CDH26: variants seen among roughly 807,000 people sequenced by gnomAD.
CDH26 encodes the protein cadherin 26, also known as cadherin-like protein 26.
Under a neutral mutation model 90.3 loss-of-function variants are expected in CDH26, and 83 were observed. The ratio of observed to expected loss-of-function variants is 0.92; its 90% CI spans 0.77 to 1.10. The LOEUF is 1.10. CDH26 is among the 50% of genes least tolerant of loss of function. The probability of loss-of-function intolerance (pLI) is 0.00; values close to 1 mark genes in which losing one functional copy is unlikely to be tolerated. For missense variants in CDH26, 1,013 were observed against 1,037.6 expected (o/e 0.98, Z 0.33); for synonymous variants, 397 against 396.3 (o/e 1.00, Z -0.02).
chr20:60,010,226 G>A (rs1042432788), intron 17 of CDH26, among the ~76,000 whole-genome samples: 1 of 152,046 alleles, frequency 6.6e-6, no homozygotes, highest in Non-Finnish European at 1.5e-5. Flanking sequence ...GAAGCCCAGG[G>A]GTCCCATCAG....
chr20:59,995,899 T>G lies in CDH26; in HGVS notation c.1733T>G (p.Ile578Ser). The change falls in exon 12 of 18, where the codon ATT (isoleucine) becomes AGT (serine). Residue 578 changes from isoleucine to serine, a missense_variant. Coordinates refer to ENST00000348616, the MANE Select transcript of CDH26 (RefSeq NM_177980.4). The stretch of plus-strand genomic sequence containing the variant: ...GGTAATTACTTGGTGCCACTCTTCA[T>G]TGGAGACAAACAGGGACTTTCCCAG... Reference protein sequence around the residue: ...PRGNYLVPLFIGDKQGLSQKQ... With the variant: ...PRGNYLVPLFSGDKQGLSQKQ... 1 of 1,614,264 alleles carries G rather than the reference T, an allele frequency of 6.2e-7. No homozygotes were observed. Among genetic ancestry groups the G allele is most frequent in the Non-Finnish European group, 8.5e-7 (1 of 1,180,036 alleles).
chr20:60,032,823 G>C (rs1263007523), intron 8 of CDH26, among the ~76,000 whole-genome samples: 1 of 130,248 alleles, frequency 7.7e-6, no homozygotes, highest in Non-Finnish European at 1.6e-5. Context: ...ACAGGAAGGG[G>C]AATATCACAC....
chr20:60,018,881 G>A (rs976197837), downstream of CDH26, among the ~76,000 whole-genome samples: 2 of 151,554 alleles, frequency 1.3e-5, no homozygotes, highest in Admixed American at 1.3e-4. Context: ...ACTCCCCTGA[G>A]CATTTCTTGT....
At chr20:59,964,664 AAC>A (rs1389079161) in intron 1 of CDH26, among the ~76,000 whole-genome samples, 1 of 152,240 alleles carries the variant, frequency 6.6e-6, no homozygotes, top group Non-Finnish European at 1.5e-5. Context: ...GGAGAAATGA[AAC>A]ACACACAACA....
intron 17 of CDH26, among the ~76,000 whole-genome samples, chr20:60,009,573 G>A (rs2061802672): frequency 6.6e-6 from 1 of 152,200 alleles, no homozygotes; most frequent in Admixed American, 6.5e-5. Context: ...GCGGGGCAGG[G>A]AGGCAGCTTT....
chr20:59,959,788 T>C (rs171842), intron 1 of CDH26, among the ~76,000 whole-genome samples: 21,167 of 152,206 alleles, frequency 0.14, 3,054 homozygotes, highest in African/African-American at 0.37. Flanking sequence ...AGCAAACCCA[T>C]GGGGATGGAA....
chr20:59,991,395 T>TG (rs2061526261), intron 9 of CDH26, among the ~76,000 whole-genome samples: 2 of 152,134 alleles, frequency 1.3e-5, no homozygotes, highest in Non-Finnish European at 2.9e-5. Flanking sequence ...TGATCTGGGT[T>TG]GGGGGCAGCT....
At chr20:59,983,431 G>C (rs2061418058) in intron 5 of CDH26, among the ~76,000 whole-genome samples, 1 of 152,146 alleles carries the variant, frequency 6.6e-6, no homozygotes, top group Admixed American at 6.5e-5. Context: ...CCGAGTTACA[G>C]ATACTGTGCA....
At chr20:59,995,469 G>C (rs939483208) in intron 11 of CDH26, among the ~76,000 whole-genome samples, 2 of 152,182 alleles carry the variant, frequency 1.3e-5, no homozygotes, top group African/African-American at 4.8e-5. Flanking sequence ...CTGGCTTCTC[G>C]GGAGTGGATG....
chr20:60,003,446 T>G (rs1335435075), intron 16 of CDH26, among the ~76,000 whole-genome samples: 1 of 152,234 alleles, frequency 6.6e-6, no homozygotes, highest in African/African-American at 2.4e-5. Context: ...ATTCATTGCC[T>G]CGCATTATTA....
At chr20:60,033,069 C>A (rs529970466) in intron 8 of CDH26, among the ~76,000 whole-genome samples, 1 of 152,084 alleles carries the variant, frequency 6.6e-6, no homozygotes, top group Non-Finnish European at 1.5e-5. Context: ...GTATGAAAGA[C>A]GCATGATGTG....
intron 10 of CDH26, among the ~76,000 whole-genome samples, chr20:59,993,464 C>G (rs1400500739): frequency 2.0e-5 from 3 of 152,142 alleles, no homozygotes; most frequent in African/African-American, 4.8e-5. Context: ...TCACTCATGC[C>G]TTTGTGTATC....
Position 59,990,457 on chromosome 20 carries a change from G to A in CDH26, c.1283+1294G>A, listed in dbSNP as rs146877656. Among the ~76,000 whole-genome samples, 431 of 152,182 alleles carry A rather than the reference G, an allele frequency of 2.8e-3. 1 individual carries two copies. Among genetic ancestry groups the A allele is most frequent in the African/African-American group, 9.9e-3 (411 of 41,524 alleles). ...ATTCCACCAGCTTCACTCATTTCTC[G>A]TGCTTACTTGGCCTTGGTCCACACT... On this transcript the variant is annotated intron_variant, in intron 9 of 17. Transcript: ENST00000348616.
At chr20:59,962,233 A>T (rs143617801) in intron 1 of CDH26, among the ~76,000 whole-genome samples, 1 of 152,196 alleles carries the variant, frequency 6.6e-6, no homozygotes, top group South Asian at 2.1e-4. Context: ...ATGTGTTAGG[A>T]ACATATATTA....
intron 3 of CDH26, among the ~76,000 whole-genome samples, chr20:59,971,269 A>G (rs2061258187): frequency 6.6e-6 from 1 of 152,208 alleles, no homozygotes; most frequent in Non-Finnish European, 1.5e-5. Context: ...CCTAAGAGTC[A>G]GGGGGAGTGA....
intron 13 of CDH26, among the ~76,000 whole-genome samples, chr20:59,998,527 A>C (rs1044306031): frequency 2.6e-5 from 4 of 152,208 alleles, no homozygotes; most frequent in African/African-American, 9.6e-5. Flanking sequence ...CAGCTATGCC[A>C]GTGGGACAAG....
rs1569047858 is a variant in CDH26, at chr20:59,996,035, A to T, written c.1869A>T (p.Ala623=). The stretch of plus-strand genomic sequence containing the variant: ...TGGGGGCCCTGTTCCCTGTCTGTGC[A>T]GCATTTGTGGCTCTGGCAGGTCAGT... ...LHVGALFPVC[A]AFVALAVALL... The change falls in exon 12 of 18, where the codon GCA becomes GCT. Residue 623 remains alanine (A), a synonymous_variant. Coordinates refer to ENST00000348616, the MANE Select transcript of CDH26 (RefSeq NM_177980.4). The T allele has an allele frequency of 6.2e-7, 1 of 1,613,426 alleles. No homozygotes were observed. The highest frequency in any genetic ancestry group is 1.3e-5 in the African/African-American group (1 of 75,048).
downstream of CDH26, among the ~76,000 whole-genome samples, chr20:60,017,340 A>G (rs1237043527): frequency 1.3e-5 from 2 of 152,008 alleles, no homozygotes; most frequent in African/African-American, 4.8e-5. Context: ...CAATCTTAGT[A>G]GGTTGTATGT....
chr20:59,979,238 C>T (rs1014711141), intron 4 of CDH26, among the ~76,000 whole-genome samples: 5 of 127,438 alleles, frequency 3.9e-5, no homozygotes, highest in Non-Finnish European at 1.6e-5. Flanking sequence ...CTTGTTCTGT[C>T]GCCAGGCTGG....
Sources: allele counts gnomAD v4.1 joint callset (sites outside exome capture counted in the v4.1 genomes callset), GRCh38; gene constraint gnomAD v4.1.1; transcripts MANE v1.5; gene names NCBI Gene and HGNC (gene_info 2026-07-23, HGNC 2026-07-21).